Variants in KDM6B observed in about 807,000 individuals in gnomAD.
KDM6B encodes lysine-specific demethylase 6B.
KDM6B carries 22 observed loss-of-function variants against 150.4 expected under a neutral mutation model. The ratio of observed to expected loss-of-function variants is 0.15; its 90% confidence interval spans 0.10 to 0.21. The LOEUF (loss-of-function observed/expected upper bound fraction) is 0.21, where lower values mean the gene tolerates loss of function less well. KDM6B is among the 10% of genes least tolerant of loss of function. KDM6B has a pLI of 1.00. For missense variants in KDM6B, 1,984 were observed against 2,234.3 expected, an observed-to-expected ratio of 0.89 and a Z score of 2.26; for synonymous variants, 1,148 against 921.1, an observed-to-expected ratio of 1.25 and a Z score of -4.46.
In KDM6B at chr17:7,846,204, C is replaced by T. The variant is rs1030979886; in HGVS notation, c.363C>T (p.His121=). Residue 121 remains histidine (H), a synonymous_variant, in exon 7 of 24, where the codon CAC becomes CAT. Transcript: ENST00000448097. ...TTGGGCAACTGTACGAGTCAGAGCACGATAGTGAGGAGGCCACACGCTGCT... is the reference window on the plus strand; with the variant it reads ...TTGGGCAACTGTACGAGTCAGAGCATGATAGTGAGGAGGCCACACGCTGCT... ...EQLGQLYESE[H]DSEEATRCYH... 9 of 1,614,014 alleles carry T rather than the reference C, an allele frequency of 5.6e-6. No individual in the cohort carries two copies. Among genetic ancestry groups the T allele is most frequent in the African/African-American group, 2.7e-5 (2 of 74,920 alleles).
intron 2 of KDM6B, chr17:7,840,829 T>G (rs576629739): frequency 3.3e-5 from 5 of 152,412 alleles, no homozygotes; most frequent in Admixed American, 2.6e-4. Context: ...AGCTTCATTA[T>G]GAAGAACCTA....
At chr17:7,837,287 T>TGG (rs147635033) in intron 1 of KDM6B, among the ~76,000 whole-genome samples, 252 of 150,976 alleles carry the variant, frequency 1.7e-3, no homozygotes, top group African/African-American at 4.5e-3. Context: ...GTGTGTAGTA[T>TGG]GGGGGGGGGT....
In KDM6B at chr17:7,851,780, C is replaced by A. The variant is rs759471575; in HGVS notation, c.4149C>A (p.Pro1383=). ...CGGTGCAGCTGTACATGAAGGTGCC[C>A]GGCAGCCGAACGCCAGGTGCGCTCC... The part of the protein sequence containing the change: ...MNTVQLYMKV[P]GSRTPGHQEN... Residue 1383 remains proline, a synonymous_variant, in exon 18 of 24, where the codon CCC becomes CCA. Coordinates refer to ENST00000448097, the MANE Select transcript of KDM6B (RefSeq NM_001348716.2). 2 of 1,554,554 alleles carry A rather than the reference C, an allele frequency of 1.3e-6. No homozygotes were observed. The highest frequency in any genetic ancestry group is 1.7e-6 in the Non-Finnish European group (2 of 1,149,640).
At chr17:7,849,783 C>T in intron 12 of KDM6B, 38 bp from the exon 13 acceptor site, 2 of 1,612,846 alleles carry the variant, frequency 1.2e-6, no homozygotes, top group Non-Finnish European at 1.7e-6. Context: ...CCCCCATCAC[C>T]CTGATGTTTC....
rs1597827870 is a variant in KDM6B, at chr17:7,843,526, C to G, written c.-268-1375C>G. Among the ~76,000 whole-genome samples the G allele has an allele frequency of 1.3e-5, 2 of 152,310 alleles. No homozygotes were observed. Among genetic ancestry groups the G allele is most frequent in the Non-Finnish European group, 2.9e-5 (2 of 68,026 alleles). On this transcript the variant is annotated intron_variant, in intron 2 of 23. Transcript: ENST00000448097. The surrounding 1 kb of genome is among the most constrained non-coding windows in gnomAD (Gnocchi z 4.5). Reference sequence around the variant, plus strand: ...CCTTGCCCCTTCGGGAAGGAAGGCTCTTTTCACCAGAAACCCGTCTGCCCT... The same window carrying G: ...CCTTGCCCCTTCGGGAAGGAAGGCTGTTTTCACCAGAAACCCGTCTGCCCT...
chr17:7,846,120 G>A lies in KDM6B; in HGVS notation c.279G>A (p.Leu93=), dbSNP rs201203051. Residue 93 remains leucine, a synonymous_variant, in exon 7 of 24, where the codon CTG becomes CTA. Coordinates refer to ENST00000448097, the MANE Select transcript of KDM6B (RefSeq NM_001348716.2). ...CCCTCCATGGGAAGCTGGAATCCCT[G>A]CATGGCTGTGTGCAGGCATTGCTCC... ...PRPLHGKLES[L]HGCVQALLRE... is the part of the protein sequence containing the mutation. 1 of 1,605,408 alleles carries A rather than the reference G, an allele frequency of 6.2e-7. No individual in the cohort carries two copies. The highest frequency in any genetic ancestry group is 1.7e-5 in the Admixed American group (1 of 58,522).
rs747141030 is a variant in KDM6B, at chr17:7,846,923, C to T, written c.816C>T (p.Pro272=). The T allele has an allele frequency of 1.9e-6, 3 of 1,601,456 alleles. No individual in the cohort carries two copies. The African/African-American group carries it at 4.0e-5, about 21-fold the overall frequency. The part of the protein sequence containing the change: ...PPPLPGLATS[P]PFQLTKPGLW... ...CCCTGCCTGGCCTGGCTACCAGCCC[C>T]CCATTTCAGCTAACCAAGCCAGGGC... is the stretch of plus-strand genomic sequence containing the variant. The change falls in exon 10 of 24, where the codon CCC becomes CCT. Residue 272 remains proline (P), a synonymous_variant. Coordinates refer to ENST00000448097, the MANE Select transcript of KDM6B (RefSeq NM_001348716.2).
In KDM6B at chr17:7,848,887, T is replaced by G. The variant is rs1403298436; in HGVS notation, c.2599T>G (p.Ser867Ala). The change falls in exon 12 of 24, where the codon TCG becomes GCG. Residue 867 changes from serine (S) to alanine (A), a missense_variant. By Grantham distance (99) the Ser-to-Ala change is moderately conservative. Coordinates refer to ENST00000448097, the MANE Select transcript of KDM6B (RefSeq NM_001348716.2). ...GGGCTCCCCACAGCCCTCTGCTTCC[T>G]CGTCATCTCAGTTCTCTACCTCAGG... ...AQGSPQPSASSSSQFSTSGGP... is the reference protein window; with the variant it reads ...AQGSPQPSASASSQFSTSGGP... 1 of 1,607,556 alleles carries G rather than the reference T, an allele frequency of 6.2e-7. No homozygotes were observed. The highest frequency in any genetic ancestry group is 1.1e-5 in the South Asian group (1 of 90,792).
At position 7,844,161 on chromosome 17, in the gene KDM6B, G is replaced by C. The variant is rs1047515736; in HGVS notation, c.-268-740G>C. The C allele has an allele frequency of 3.3e-5, 5 of 151,498 alleles. No homozygotes were observed. Among genetic ancestry groups the C allele is most frequent in the Non-Finnish European group, 7.4e-5 (5 of 67,970 alleles). 9.4% of individuals were successfully genotyped at this position (151,498 alleles called of 1,614,324 possible). On this transcript the variant is annotated intron_variant, in intron 2 of 23. Transcript: ENST00000448097. This position sits in a 1 kb window ranked among gnomAD's most constrained non-coding sequence, Gnocchi z 5.9. The stretch of plus-strand genomic sequence containing the variant: ...CCCTCCCTTGGGGGGCGGGGGCCAC[G>C]TGGGCCGTGGGGAACCGCGTGGCCC...
chr17:7,851,897 G>A (rs1055355545), intron 18 of KDM6B, 54 bp from the exon 19 acceptor site: 8 of 1,602,356 alleles, frequency 5.0e-6, no homozygotes, highest in Non-Finnish European at 6.8e-6. Context: ...CGGGGCTATC[G>A]GGGATCGCAG....
Position 7,843,323 on chromosome 17 carries a change from G to A in KDM6B, c.-268-1578G>A, listed in dbSNP as rs2078455974. 6.6e-6 allele frequency among the ~76,000 whole-genome samples: 1 copy of A among 152,282 alleles called. No individual in the cohort carries two copies. Among genetic ancestry groups the A allele is most frequent in the South Asian group, 2.1e-4 (1 of 4,834 alleles). The stretch of plus-strand genomic sequence containing the variant: ...GGGCCATACTTGACCACAGTTCAGC[G>A]CCGTACCTGGCTTGGTTACTGATGG... On this transcript the variant is annotated intron_variant, in intron 2 of 23. Transcript: ENST00000448097. The surrounding 1 kb of genome is among the most constrained non-coding windows in gnomAD (Gnocchi z 4.5).
Position 7,853,567 on chromosome 17 carries a change from G to T in KDM6B, c.*46G>T, listed in dbSNP as rs1437348572. The T allele has an allele frequency of 1.5e-6, 2 of 1,365,012 alleles. No homozygotes were observed. The highest frequency in any genetic ancestry group is 1.9e-6 in the Non-Finnish European group (2 of 1,054,964). The allele number at this position is 1,365,012 out of a possible 1,614,324, so 84.6% of individuals were successfully genotyped here. On this transcript the variant is annotated 3_prime_UTR_variant, in exon 24 of 24. Transcript: ENST00000448097. The stretch of plus-strand genomic sequence containing the variant: ...TGCCTGCCCGCGCAAGGCGCCGCGG[G>T]GCCACCAGCACATGCCTGGGCTGGA...
At chr17:7,845,850 A>G in intron 5 of KDM6B, 22 bp from the exon 6 acceptor site, 1 of 1,609,090 alleles carries the variant, frequency 6.2e-7, no homozygotes, top group Non-Finnish European at 8.5e-7. Flanking sequence ...TGCCGTATAT[A>G]ACAGACTCCT....
Position 7,851,462 on chromosome 17 carries a change from C to T in KDM6B, c.3945-16C>T, listed in dbSNP as rs368668458. ...TCCCTCTGCTCTCCACCAACCTGTG[C>T]TCTTCGCCCCAGCAGCAGCGCACCA... On this transcript the variant is annotated splice_polypyrimidine_tract_variant and intron_variant, in intron 16 of 23. Coordinates refer to ENST00000448097, the MANE Select transcript of KDM6B (RefSeq NM_001348716.2). 527 of 1,614,214 alleles carry T rather than the reference C, an allele frequency of 3.3e-4. No individual in the cohort carries two copies. The highest frequency in any genetic ancestry group is 2.6e-3 in the Middle Eastern group (16 of 6,062).
chr17:7,837,492 ATT>A (rs1475309064), intron 1 of KDM6B, among the ~76,000 whole-genome samples: 1 of 152,156 alleles, frequency 6.6e-6, no homozygotes, highest in Non-Finnish European at 1.5e-5. Flanking sequence ...GTTCTTCTCT[ATT>A]AAGTCCCAGG....
chr17:7,852,755 G>A, intron 21 of KDM6B, 119 bp downstream of exon 21: 1 of 1,451,604 alleles, frequency 6.9e-7, no homozygotes, highest in South Asian at 1.2e-5. Flanking sequence ...TGCCCCGAGT[G>A]TTACTGTGTT....
intron 1 of KDM6B, among the ~76,000 whole-genome samples, chr17:7,836,126 C>T (rs915054898): frequency 2.6e-5 from 4 of 152,368 alleles, no homozygotes; most frequent in African/African-American, 7.2e-5. Flanking sequence ...CGCCCGGGCC[C>T]AGCTGCTGTT....
rs1353679852 is a variant in KDM6B, at chr17:7,844,346, G to A, written c.-268-555G>A. 6.6e-6 allele frequency: 1 copy of A among 152,328 alleles called. No homozygotes were observed. Among genetic ancestry groups the A allele is most frequent in the Non-Finnish European group, 1.5e-5 (1 of 68,104 alleles). The allele number at this position is 152,328 out of a possible 1,614,324, so 9.4% of individuals were successfully genotyped here. ...AGCCAGGGGAAGTAGAGGACCTGGA[G>A]GAACTGGGTATGAGACTGGGGGCTT... is the stretch of plus-strand genomic sequence containing the variant. On this transcript the variant is annotated intron_variant, in intron 2 of 23. Coordinates refer to ENST00000448097, the MANE Select transcript of KDM6B (RefSeq NM_001348716.2). This position sits in a 1 kb window ranked among gnomAD's most constrained non-coding sequence, Gnocchi z 5.9.
intron 2 of KDM6B, among the ~76,000 whole-genome samples, chr17:7,842,048 C>T (rs776401919): frequency 6.6e-6 from 1 of 152,246 alleles, no homozygotes; most frequent in Non-Finnish European, 1.5e-5. Flanking sequence ...TAGGTAAAAC[C>T]CTATCTGCGG....
Sources: gnomAD v4.1 joint callset for allele counts (sites outside exome capture counted in the v4.1 genomes callset) on GRCh38, gnomAD v4.1.1 for gene constraint, Gnocchi (gnomAD v3.1) non-coding constraint, MANE v1.5 for transcripts, NCBI Gene and HGNC (gene_info 2026-07-23, HGNC 2026-07-21) for gene names.